The following CCBE1 variants were observed in gnomAD, a reference collection of about 807,000 sequenced individuals.
CCBE1 encodes collagen and calcium binding EGF domains 1, also known as collagen and calcium-binding EGF domain-containing protein 1.
CCBE1 carries 37 observed loss-of-function variants against 50.0 expected under a neutral mutation model. The ratio of observed to expected loss-of-function variants is 0.74; its 90% CI spans 0.57 to 0.97. The LOEUF (loss-of-function observed/expected upper bound fraction) is 0.97. CCBE1 is among the 50% of genes least tolerant of loss of function. The pLI, the probability that CCBE1 is intolerant of heterozygous loss-of-function variation, is 0.00. For missense variants in CCBE1, 538 were observed against 523.8 expected (o/e 1.03, Z -0.26); for synonymous variants, 234 against 203.7 (o/e 1.15, Z -1.27).
chr18:59,506,477 G>C (rs1169776431), intron 2 of CCBE1, among the ~76,000 whole-genome samples: 2 of 152,234 alleles, frequency 1.3e-5, no homozygotes, highest in African/African-American at 4.8e-5. Context: ...GGAATGAAGG[G>C]AGGGAGAGGT....
chr18:59,455,852 T>C (rs115677068), intron 5 of CCBE1, among the ~76,000 whole-genome samples: 1 of 152,214 alleles, frequency 6.6e-6, no homozygotes, highest in African/African-American at 2.4e-5. Flanking sequence ...CAGGGAAGCA[T>C]AAACTCTCTT....
intron 2 of CCBE1, among the ~76,000 whole-genome samples, chr18:59,517,991 G>T (rs764543053): frequency 4.1e-4 from 63 of 152,304 alleles, no homozygotes; most frequent in Admixed American, 1.2e-3. Flanking sequence ...TCTGAACCCA[G>T]CTGGGCAATT....
chr18:59,450,440 A>G (rs1382452413), intron 6 of CCBE1, among the ~76,000 whole-genome samples: 1 of 152,208 alleles, frequency 6.6e-6, no homozygotes, highest in Non-Finnish European at 1.5e-5. Flanking sequence ...AGAGTCACAC[A>G]GCCAGCAGAC....
intron 1 of CCBE1, among the ~76,000 whole-genome samples, 160 bp downstream of exon 1, chr18:59,697,052 G>A (rs2054817346): frequency 6.6e-6 from 1 of 152,222 alleles, no homozygotes; most frequent in African/African-American, 2.4e-5. Flanking sequence ...GGAGCGGAGG[G>A]AAGTGTCGCC....
At chr18:59,554,298 T>C (rs914186317) in intron 2 of CCBE1, among the ~76,000 whole-genome samples, 1 of 152,212 alleles carries the variant, frequency 6.6e-6, no homozygotes, top group African/African-American at 2.4e-5. Flanking sequence ...AGCATACTTC[T>C]GTCCAGGTCA....
chr18:59,682,254 G>C (rs1402764734), intron 2 of CCBE1, among the ~76,000 whole-genome samples: 4 of 152,102 alleles, frequency 2.6e-5, no homozygotes, highest in Non-Finnish European at 5.9e-5. Context: ...CCCAGCTACT[G>C]GGGAGGCTGA....
At chr18:59,597,293 G>C (rs1375785419) in intron 2 of CCBE1, among the ~76,000 whole-genome samples, 1 of 152,240 alleles carries the variant, frequency 6.6e-6, no homozygotes, top group Non-Finnish European at 1.5e-5. Flanking sequence ...TTGAATGCCT[G>C]GGCATGCAAT....
chr18:59,629,967 C>T (rs970298402), intron 2 of CCBE1, among the ~76,000 whole-genome samples: 11 of 152,192 alleles, frequency 7.2e-5, no homozygotes, highest in Non-Finnish European at 1.5e-5. Flanking sequence ...TGCAGGGGCA[C>T]ACTGCAGTCT....
intron 2 of CCBE1, among the ~76,000 whole-genome samples, chr18:59,659,555 C>A (rs1174008388): frequency 2.6e-5 from 4 of 152,112 alleles, no homozygotes; most frequent in East Asian, 3.9e-4. Flanking sequence ...AAAGAAAGAA[C>A]AACATCACGA....
chr18:59,566,814 A>G (rs11877097), intron 2 of CCBE1, among the ~76,000 whole-genome samples: 3,732 of 152,230 alleles, frequency 0.025, 161 homozygotes, highest in African/African-American at 0.086. Context: ...CCAACCCCCA[A>G]GAAAAAAAAT....
At chr18:59,517,800 A>G (rs566224870) in intron 2 of CCBE1, among the ~76,000 whole-genome samples, 2 of 152,366 alleles carry the variant, frequency 1.3e-5, no homozygotes, top group East Asian at 1.9e-4. Flanking sequence ...CAGAGCCACA[A>G]CTACTGAAAG....
chr18:59,478,227 C>T (rs943405175), intron 3 of CCBE1, among the ~76,000 whole-genome samples: 1 of 152,130 alleles, frequency 6.6e-6, no homozygotes, highest in African/African-American at 2.4e-5. Flanking sequence ...AAGCCAATCC[C>T]TTTAAAAAAG....
At chr18:59,469,650 G>A (rs745306932) in intron 3 of CCBE1, 43 bp from the exon 4 acceptor site, 3 of 1,612,868 alleles carry the variant, frequency 1.9e-6, no homozygotes, top group South Asian at 2.2e-5. Flanking sequence ...ACAGGAGGAG[G>A]CGGAGTAACC....
intron 2 of CCBE1, among the ~76,000 whole-genome samples, chr18:59,679,269 A>G (rs2054553035): frequency 6.6e-6 from 1 of 152,242 alleles, no homozygotes; most frequent in African/African-American, 2.4e-5. Flanking sequence ...ATCGCTCACT[A>G]GTGATAATGG....
At chr18:59,562,818 A>G (rs2052760282) in intron 2 of CCBE1, among the ~76,000 whole-genome samples, 1 of 151,922 alleles carries the variant, frequency 6.6e-6, no homozygotes, top group Non-Finnish European at 1.5e-5. Context: ...CCTCCCTCAC[A>G]TGTTGTGGCC....
chr18:59,551,029 A>G (rs1401888818), intron 2 of CCBE1, among the ~76,000 whole-genome samples: 1 of 122,222 alleles, frequency 8.2e-6, no homozygotes, highest in African/African-American at 3.3e-5. Flanking sequence ...AAAAAAAAAA[A>G]GAAAAGAAAA....
chr18:59,468,376 C>A lies in CCBE1; in HGVS notation c.400+1097G>T, dbSNP rs542317777. On this transcript the variant is annotated intron_variant, in intron 4 of 10. Transcript: ENST00000439986. ...CTCCAGCCTGGGCAACAGAGTGTGA[C>A]CCTGTCTCAAAAATAAATGCATAAA... 2.0e-3 allele frequency among the ~76,000 whole-genome samples: 312 copies of A among 152,238 alleles called. 2 individuals are homozygous for A. Among genetic ancestry groups the A allele is most frequent in the Non-Finnish European group, 3.1e-3 (210 of 68,022 alleles).
intron 2 of CCBE1, among the ~76,000 whole-genome samples, chr18:59,615,479 C>A (rs988319818): frequency 2.0e-5 from 3 of 149,440 alleles, no homozygotes; most frequent in Admixed American, 1.3e-4. Flanking sequence ...CCTGGTCAAG[C>A]CTGTCCTGAC....
At chr18:59,518,107 T>C (rs1176354910) in intron 2 of CCBE1, among the ~76,000 whole-genome samples, 3 of 152,170 alleles carry the variant, frequency 2.0e-5, no homozygotes, top group Admixed American at 2.0e-4. Context: ...CATAAAACAG[T>C]GTTAATCAAC....
Sources: gnomAD v4.1 joint callset for allele counts (sites outside exome capture counted in the v4.1 genomes callset) on GRCh38, gnomAD v4.1.1 for gene constraint, MANE v1.5 for transcripts, NCBI Gene and HGNC (gene_info 2026-07-23, HGNC 2026-07-21) for gene names.